The following MAGI2 variants were observed in gnomAD, a reference collection of about 807,000 sequenced individuals.
MAGI2 encodes membrane-associated guanylate kinase, WW and PDZ domain-containing protein 2.
MAGI2 carries 35 observed loss-of-function variants against 133.3 expected under a neutral mutation model. The ratio of observed to expected loss-of-function variants is 0.26; its 90% CI spans 0.20 to 0.35. The LOEUF (loss-of-function observed/expected upper bound fraction) is 0.35. Among genes scored for constraint, MAGI2 ranks in the 10% least tolerant of loss-of-function variants. MAGI2 has a pLI of 1.00. For synonymous variants in MAGI2, 729 were observed against 710.6 expected (o/e 1.03, Z -0.41); for missense variants, 1,636 against 1,863.4 (o/e 0.88, Z 2.25).
intron 1 of MAGI2, among the ~76,000 whole-genome samples, chr7:79,224,961 T>C (rs907117335): frequency 5.9e-5 from 9 of 152,248 alleles, no homozygotes; most frequent in African/African-American, 2.2e-4. Flanking sequence ...TTTTACTGCA[T>C]GTAAATTATA....
intron 18 of MAGI2, 33 bp from the exon 19 acceptor site, chr7:78,127,449 ACT>A: frequency 3.9e-6 from 6 of 1,537,560 alleles, no homozygotes; most frequent in Non-Finnish European, 5.3e-6. Context: ...TGCTTTTGTA[ACT>A]CTGCATTCTA....
intron 20 of MAGI2, among the ~76,000 whole-genome samples, chr7:78,104,063 A>G (rs1378093288): frequency 6.6e-6 from 1 of 152,174 alleles, no homozygotes; most frequent in African/African-American, 2.4e-5. Flanking sequence ...TTGGGCTTCT[A>G]CAATACTCCT....
At chr7:79,000,850 G>T (rs980172655) in intron 2 of MAGI2, among the ~76,000 whole-genome samples, 2 of 152,170 alleles carry the variant, frequency 1.3e-5, no homozygotes, top group African/African-American at 4.8e-5. Flanking sequence ...GTAATTCAGC[G>T]TAACTCAGTG....
intron 2 of MAGI2, among the ~76,000 whole-genome samples, chr7:78,646,238 A>T (rs1810880662): frequency 6.6e-6 from 1 of 152,174 alleles, no homozygotes; most frequent in Admixed American, 6.5e-5. Context: ...AAAATTTATT[A>T]AATCTGAGTG....
chr7:78,795,275 T>C (rs74438338), intron 2 of MAGI2, among the ~76,000 whole-genome samples: 11,008 of 151,902 alleles, frequency 0.072, 437 homozygotes, highest in Admixed American at 0.12. Flanking sequence ...GATAATACAA[T>C]GTAACAATCT....
intron 2 of MAGI2, among the ~76,000 whole-genome samples, chr7:78,983,347 A>G (rs1804950216): frequency 1.3e-5 from 2 of 152,012 alleles, no homozygotes; most frequent in Admixed American, 6.6e-5. Context: ...TTATAAAACT[A>G]CTGTTCTAAA....
Position 78,985,043 on chromosome 7 carries a change from C to T in MAGI2, c.418+22047G>A, listed in dbSNP as rs140536007. 4.2e-3 allele frequency among the ~76,000 whole-genome samples: 621 copies of T among 149,024 alleles called. 3 individuals are homozygous for T. The highest frequency in any genetic ancestry group is 0.014 in the African/African-American group (584 of 40,368). On this transcript the variant is annotated intron_variant, in intron 2 of 21. Transcript: ENST00000354212. ...ATGAGTTTGGGTCTTGTTCTGTTGT[C>T]CAGACAGGAATGCAGTGGTGTGATC...
chr7:79,227,428 G>T (rs1279964934), intron 1 of MAGI2, among the ~76,000 whole-genome samples: 1 of 152,098 alleles, frequency 6.6e-6, no homozygotes, highest in African/African-American at 2.4e-5. Flanking sequence ...ACACTCAATG[G>T]CAATACATCA....
intron 1 of MAGI2, among the ~76,000 whole-genome samples, chr7:79,282,209 G>A (rs1835698406): frequency 6.6e-6 from 1 of 152,122 alleles, no homozygotes; most frequent in Non-Finnish European, 1.5e-5. Context: ...TACAGCACTT[G>A]TGAGGCATTG....
chr7:78,972,034 CA>C lies in MAGI2; in HGVS notation c.418+35055del, dbSNP rs550523938. On this transcript the variant is annotated intron_variant, in intron 2 of 21. Coordinates refer to ENST00000354212, the MANE Select transcript of MAGI2 (RefSeq NM_012301.4). ...AAAAAATAAGAGATGAAAAGGGCCTCAAATATTTCATAACTGCGCCTGCAGC... is the reference window on the plus strand; with the variant it reads ...AAAAAATAAGAGATGAAAAGGGCCTCAATATTTCATAACTGCGCCTGCAGC... Among the ~76,000 whole-genome samples, 3 of 151,868 alleles carry C rather than the reference CA, an allele frequency of 2.0e-5. No individual in the cohort carries two copies. In the South Asian group the frequency reaches 6.2e-4, roughly 31 times the overall value.
chr7:78,731,042 TA>T (rs892658295), intron 2 of MAGI2, among the ~76,000 whole-genome samples: 23 of 147,666 alleles, frequency 1.6e-4, no homozygotes, highest in East Asian at 7.9e-4. Context: ...AATTCTTTCT[TA>T]AAAAAAAAAG....
chr7:78,769,908 G>A (rs923135602), intron 2 of MAGI2, among the ~76,000 whole-genome samples: 3 of 152,000 alleles, frequency 2.0e-5, no homozygotes, highest in Non-Finnish European at 2.9e-5. Flanking sequence ...TTAACATCAT[G>A]TGAATTAGAC....
At chr7:79,350,771 T>C (rs1350061532) in intron 1 of MAGI2, among the ~76,000 whole-genome samples, 1 of 152,142 alleles carries the variant, frequency 6.6e-6, no homozygotes, top group East Asian at 1.9e-4. Context: ...AAGAATCACA[T>C]CTCTTTGTTT....
intron 1 of MAGI2, among the ~76,000 whole-genome samples, chr7:79,429,253 A>G (rs1363622746): frequency 6.6e-6 from 1 of 152,132 alleles, no homozygotes. Flanking sequence ...ATATTAAACT[A>G]TAAACCTTAT....
intron 20 of MAGI2, among the ~76,000 whole-genome samples, chr7:78,080,171 A>G (rs796351717): frequency 1.8e-4 from 27 of 152,312 alleles, no homozygotes; most frequent in African/African-American, 5.8e-4. Context: ...CAAGACCCCC[A>G]AAGTCGGGGG....
chr7:79,156,477 T>C (rs763307649), intron 1 of MAGI2, among the ~76,000 whole-genome samples: 1 of 152,160 alleles, frequency 6.6e-6, no homozygotes, highest in Non-Finnish European at 1.5e-5. Context: ...AAGACTTCAA[T>C]AGAACCTTGG....
intron 10 of MAGI2, among the ~76,000 whole-genome samples, chr7:78,218,439 A>G (rs546421490): frequency 2.0e-5 from 3 of 152,360 alleles, no homozygotes; most frequent in East Asian, 3.9e-4. Context: ...TTAATCTTAG[A>G]AAAACAGTGA....
At chr7:78,326,594 C>T (rs1384863048) in intron 9 of MAGI2, among the ~76,000 whole-genome samples, 1 of 152,164 alleles carries the variant, frequency 6.6e-6, no homozygotes, top group East Asian at 1.9e-4. Flanking sequence ...CTCGATCCCA[C>T]TCATTTCTTC....
intron 20 of MAGI2, among the ~76,000 whole-genome samples, chr7:78,097,339 T>A (rs1201139531): frequency 2.6e-5 from 4 of 152,142 alleles, no homozygotes; most frequent in African/African-American, 9.7e-5. Context: ...ATATAAGTCA[T>A]CCTATAATAA....
Sources: allele counts gnomAD v4.1 joint callset (sites outside exome capture counted in the v4.1 genomes callset), GRCh38; gene constraint gnomAD v4.1.1; transcripts MANE v1.5; gene names NCBI Gene and HGNC (gene_info 2026-07-23, HGNC 2026-07-21).